SHROOM3: variants seen among roughly 807,000 people sequenced by gnomAD.
The protein encoded by SHROOM3 is shroom family member 3.
A neutral mutation model predicts 138.6 loss-of-function variants in SHROOM3; 47 were observed. The observed-to-expected ratio is 0.34, with a 90% CI of 0.27 to 0.43. The LOEUF is 0.43. SHROOM3 is among the 20% of genes least tolerant of loss of function. The probability of loss-of-function intolerance (pLI) is 1.00; values close to 1 mark genes in which losing one functional copy is unlikely to be tolerated. For missense variants in SHROOM3, 2,491 were observed against 2,596.5 expected (o/e 0.96, Z 0.88); for synonymous variants, 1,062 against 1,063.3 (o/e 1.00, Z 0.02).
intron 1 of SHROOM3, among the ~76,000 whole-genome samples, chr4:76,476,933 A>C (rs141953706): frequency 6.6e-6 from 1 of 152,274 alleles, no homozygotes; most frequent in African/African-American, 2.4e-5. Flanking sequence ...ATATAAGAGA[A>C]TGTTCATGAA....
chr4:76,696,157 G>A (rs978945004), intron 2 of SHROOM3, among the ~76,000 whole-genome samples: 1 of 152,172 alleles, frequency 6.6e-6, no homozygotes, highest in Non-Finnish European at 1.5e-5. Flanking sequence ...TGACACTCTC[G>A]AGGCCTTGTG....
chr4:76,454,112 C>T (rs897329143), intron 1 of SHROOM3, among the ~76,000 whole-genome samples: 3 of 152,120 alleles, frequency 2.0e-5, no homozygotes, highest in African/African-American at 4.8e-5. Flanking sequence ...GGCACCGTCT[C>T]AGCTCACTGC....
At chr4:76,533,148 T>A (rs35159569) in intron 1 of SHROOM3, among the ~76,000 whole-genome samples, 1 of 152,130 alleles carries the variant, frequency 6.6e-6, no homozygotes, top group African/African-American at 2.4e-5. Context: ...CATGGTTGAC[T>A]GAGGATGATT....
At chr4:76,611,543 C>G (rs1734761978) in intron 2 of SHROOM3, among the ~76,000 whole-genome samples, 1 of 152,024 alleles carries the variant, frequency 6.6e-6, no homozygotes, top group Non-Finnish European at 1.5e-5. Flanking sequence ...CATCCTGGCT[C>G]CCTGAAGAAA....
At chr4:76,533,142 G>T (rs910103272) in intron 1 of SHROOM3, among the ~76,000 whole-genome samples, 1 of 152,156 alleles carries the variant, frequency 6.6e-6, no homozygotes, top group Non-Finnish European at 1.5e-5. Context: ...TTGGACCATG[G>T]TTGACTGAGG....
At chr4:76,616,617 C>T (rs1229207207) in intron 2 of SHROOM3, among the ~76,000 whole-genome samples, 1 of 152,132 alleles carries the variant, frequency 6.6e-6, no homozygotes, top group East Asian at 1.9e-4. Context: ...TCTGAGGTAC[C>T]TAGAGTAGTC....
chr4:76,629,352 A>G (rs535872714), intron 2 of SHROOM3, among the ~76,000 whole-genome samples: 1 of 152,330 alleles, frequency 6.6e-6, no homozygotes, highest in East Asian at 1.9e-4. Flanking sequence ...ATAGTACCAG[A>G]TCAGGTCAAA....
At chr4:76,550,518 A>T (rs1488402326) in intron 1 of SHROOM3, among the ~76,000 whole-genome samples, 1 of 152,200 alleles carries the variant, frequency 6.6e-6, no homozygotes, top group East Asian at 1.9e-4. Flanking sequence ...AGGAAAAGGA[A>T]ACTAGAAATG....
At chr4:76,687,052 A>G (rs1379378947) in intron 2 of SHROOM3, among the ~76,000 whole-genome samples, 1 of 152,214 alleles carries the variant, frequency 6.6e-6, no homozygotes, top group Non-Finnish European at 1.5e-5. Context: ...TTGGCGAAGG[A>G]AAGGGAGCAA....
chr4:76,528,997 T>C (rs1732772632), intron 1 of SHROOM3, among the ~76,000 whole-genome samples: 1 of 152,244 alleles, frequency 6.6e-6, no homozygotes, highest in African/African-American at 2.4e-5. Flanking sequence ...TGGCTTTAGG[T>C]ATCTATCCTC....
chr4:76,493,705 G>C (rs1444146148), intron 1 of SHROOM3, among the ~76,000 whole-genome samples: 1 of 152,220 alleles, frequency 6.6e-6, no homozygotes, highest in African/African-American at 2.4e-5. Context: ...TATTGGCCGG[G>C]TGTGGTGGCT....
chr4:76,776,969 C>T (rs1722590213), intron 10 of SHROOM3, among the ~76,000 whole-genome samples: 1 of 152,090 alleles, frequency 6.6e-6, no homozygotes, highest in African/African-American at 2.4e-5. Flanking sequence ...CCTGTTTTTA[C>T]ACTAATACCA....
At chr4:76,517,689 T>G (rs1363749112) in intron 1 of SHROOM3, among the ~76,000 whole-genome samples, 2 of 152,088 alleles carry the variant, frequency 1.3e-5, no homozygotes, top group African/African-American at 2.4e-5. Context: ...TGAAAATTTC[T>G]TCAACAATAT....
intron 2 of SHROOM3, among the ~76,000 whole-genome samples, chr4:76,560,434 A>G (rs190387614): frequency 6.6e-6 from 1 of 152,346 alleles, no homozygotes; most frequent in African/African-American, 2.4e-5. Flanking sequence ...GTTCAGACTC[A>G]GACTCCTATC....
At chr4:76,547,246 A>G (rs890200859) in intron 1 of SHROOM3, among the ~76,000 whole-genome samples, 42 of 152,238 alleles carry the variant, frequency 2.8e-4, no homozygotes, top group African/African-American at 9.4e-4. Flanking sequence ...ATTCTCAGGC[A>G]GCAGGCTGGA....
At chr4:76,756,022 A>G (rs1721799333) in intron 7 of SHROOM3, among the ~76,000 whole-genome samples, 2 of 152,188 alleles carry the variant, frequency 1.3e-5, no homozygotes, top group African/African-American at 2.4e-5. Context: ...TCTAACAGCA[A>G]CATTCACCAG....
At chr4:76,726,949 G>A (rs1720722166) in intron 3 of SHROOM3, among the ~76,000 whole-genome samples, 2 of 152,146 alleles carry the variant, frequency 1.3e-5, no homozygotes, top group Non-Finnish European at 2.9e-5. Flanking sequence ...ATACTGTTGG[G>A]TGATGATGCC....
chr4:76,495,961 T>C (rs530836745), intron 1 of SHROOM3, among the ~76,000 whole-genome samples: 2 of 152,182 alleles, frequency 1.3e-5, no homozygotes, highest in African/African-American at 4.8e-5. Flanking sequence ...GACTTGAAGA[T>C]AGGAAGGAAT....
At position 76,741,127 on chromosome 4, in the gene SHROOM3, G is replaced by C; in HGVS notation, c.2954G>C (p.Arg985Pro). ...GCCTCCCCGCACACGCCCCGGGAGCGGCACAGCGTGACCCCTGCTGAGGGC... is the reference window on the plus strand; with the variant it reads ...GCCTCCCCGCACACGCCCCGGGAGCCGCACAGCGTGACCCCTGCTGAGGGC... The part of the protein sequence containing the change: ...ASASPHTPRE[R>P]HSVTPAEGDL... The change falls in exon 5 of 11, where the codon CGG becomes CCG. Residue 985 changes from arginine to proline, a missense_variant. By Grantham distance (103) the Arg-to-Pro change is moderately radical. Transcript: ENST00000296043. The surrounding 1 kb of genome is among the most constrained non-coding windows in gnomAD (Gnocchi z 6.2). 1 of 1,554,844 alleles carries C rather than the reference G, an allele frequency of 6.4e-7. No homozygotes were observed. Among genetic ancestry groups the C allele is most frequent in the Non-Finnish European group, 8.7e-7 (1 of 1,150,428 alleles).
Sources: gnomAD v4.1 joint callset for allele counts (sites outside exome capture counted in the v4.1 genomes callset) on GRCh38, gnomAD v4.1.1 for gene constraint, Gnocchi (gnomAD v3.1) non-coding constraint, MANE v1.5 for transcripts, NCBI Gene and HGNC (gene_info 2026-07-23, HGNC 2026-07-21) for gene names.